The following GRM8 variants were observed in gnomAD, a reference collection of about 807,000 sequenced individuals.
GRM8 encodes glutamate metabotropic receptor 8, also known as metabotropic glutamate receptor 8.
Under a neutral mutation model 87.2 loss-of-function variants are expected in GRM8, and 47 were observed. That is an observed-to-expected ratio of 0.54 (90% CI 0.43 to 0.69). GRM8 has a LOEUF of 0.69. GRM8 is among the 30% of genes least tolerant of loss of function. The probability of loss-of-function intolerance (pLI) is 0.00; values close to 1 mark genes in which losing one functional copy is unlikely to be tolerated. For missense variants in GRM8, 1,019 were observed against 1,139.2 expected, an observed-to-expected ratio of 0.89 and a Z score of 1.52; for synonymous variants, 396 against 404.5, an observed-to-expected ratio of 0.98 and a Z score of 0.25.
chr7:126,915,474 C>T (rs1360743031), intron 3 of GRM8, among the ~76,000 whole-genome samples: 8 of 152,192 alleles, frequency 5.3e-5, no homozygotes, highest in Admixed American at 2.6e-4. Flanking sequence ...TCCAAGTATA[C>T]ACAGAATCAC....
intron 9 of GRM8, among the ~76,000 whole-genome samples, chr7:126,451,197 T>C (rs1263295337): frequency 6.6e-6 from 1 of 151,814 alleles, no homozygotes; most frequent in Non-Finnish European, 1.5e-5. Flanking sequence ...CCTGACAGCA[T>C]CTGAAACTTA....
intron 3 of GRM8, among the ~76,000 whole-genome samples, chr7:127,097,375 G>A (rs775940803): frequency 2.0e-5 from 3 of 152,162 alleles, no homozygotes; most frequent in Non-Finnish European, 4.4e-5. Context: ...CCAGAAGTGG[G>A]TGGATGGCAT....
intron 3 of GRM8, among the ~76,000 whole-genome samples, chr7:127,078,927 A>G (rs1822565641): frequency 6.6e-6 from 1 of 152,234 alleles, no homozygotes; most frequent in Admixed American, 6.5e-5. Context: ...AGAAAGAAAA[A>G]TTGACATTCA....
At chr7:126,650,332 A>G (rs1310263299) in intron 7 of GRM8, among the ~76,000 whole-genome samples, 1 of 152,104 alleles carries the variant, frequency 6.6e-6, no homozygotes, top group Non-Finnish European at 1.5e-5. Context: ...AGTTCCCTAT[A>G]ATCAGTTGAC....
intron 2 of GRM8, among the ~76,000 whole-genome samples, chr7:127,209,488 G>A (rs931581430): frequency 7.9e-5 from 12 of 152,142 alleles, no homozygotes; most frequent in Admixed American, 2.0e-4. Flanking sequence ...ACTTGCCACC[G>A]CCCTCACTGC....
intron 2 of GRM8, among the ~76,000 whole-genome samples, chr7:127,167,679 G>C (rs1793537345): frequency 6.6e-6 from 1 of 152,004 alleles, no homozygotes; most frequent in Non-Finnish European, 1.5e-5. Context: ...CATATAAAAT[G>C]GCAAATTTAA....
chr7:126,452,310 G>A lies in GRM8; in HGVS notation c.2431-5938C>T, dbSNP rs535737215. Among the ~76,000 whole-genome samples the A allele has an allele frequency of 4.0e-5, 6 of 150,368 alleles. No homozygotes were observed. In the East Asian group the frequency reaches 1.2e-3, roughly 30 times the overall value. ...GGGGTGGGGGGAGGGGGGAGGGATA[G>A]CATTAGGAGATATACCTAATGTAAA... On this transcript the variant is annotated intron_variant, in intron 9 of 10. Transcript: ENST00000339582.
At chr7:127,107,891 C>T (rs1337168151) in intron 2 of GRM8, among the ~76,000 whole-genome samples, 2 of 152,128 alleles carry the variant, frequency 1.3e-5, no homozygotes, top group East Asian at 1.9e-4. Flanking sequence ...AAAGTCATCC[C>T]GGGAGCAGCA....
chr7:127,207,916 C>T (rs1333397393), intron 2 of GRM8, among the ~76,000 whole-genome samples: 2 of 152,174 alleles, frequency 1.3e-5, no homozygotes, highest in East Asian at 3.8e-4. Context: ...TCTGTTCCAA[C>T]TGCCACAAGT....
At chr7:126,621,391 T>C (rs1268543443) in intron 7 of GRM8, among the ~76,000 whole-genome samples, 2 of 152,262 alleles carry the variant, frequency 1.3e-5, no homozygotes, top group Non-Finnish European at 1.5e-5. Context: ...CTTACTTATT[T>C]CCAATTACCT....
chr7:126,724,587 A>G (rs2151464433), intron 7 of GRM8, among the ~76,000 whole-genome samples: 1 of 152,300 alleles, frequency 6.6e-6, no homozygotes. Flanking sequence ...CAACTGGTTA[A>G]CCTAACAAAT....
intron 10 of GRM8, among the ~76,000 whole-genome samples, chr7:126,444,396 C>T (rs1228853006): frequency 6.6e-6 from 1 of 152,098 alleles, no homozygotes; most frequent in Non-Finnish European, 1.5e-5. Context: ...CCCATCCTTA[C>T]CTTGCTTCGC....
intron 2 of GRM8, chr7:127,228,309 G>A (rs1797470768): frequency 6.6e-6 from 1 of 152,166 alleles, no homozygotes; most frequent in African/African-American, 2.4e-5. Flanking sequence ...TACATGTTTA[G>A]CATAGTGCCT....
chr7:126,717,472 T>G (rs1177461858), intron 7 of GRM8, among the ~76,000 whole-genome samples: 2 of 152,048 alleles, frequency 1.3e-5, no homozygotes, highest in Non-Finnish European at 2.9e-5. Context: ...CTCAAACATG[T>G]TTGGGACATA....
intron 9 of GRM8, among the ~76,000 whole-genome samples, chr7:126,492,583 C>T (rs1808149141): frequency 6.6e-6 from 1 of 152,020 alleles, no homozygotes; most frequent in Non-Finnish European, 1.5e-5. Flanking sequence ...TAATTCACCT[C>T]AAGCCAGTTC....
At position 127,030,608 on chromosome 7, in the gene GRM8, T is replaced by C. The variant is rs1817271931; in HGVS notation, c.727+75888A>G. Among the ~76,000 whole-genome samples the C allele has an allele frequency of 2.0e-5, 3 of 152,194 alleles. No homozygotes were observed. The South Asian group carries it at 6.2e-4, about 32-fold the overall frequency. On this transcript the variant is annotated intron_variant, in intron 3 of 10. Coordinates refer to ENST00000339582, the MANE Select transcript of GRM8 (RefSeq NM_000845.3). Reference sequence around the variant, plus strand: ...ACCTAGAACAGTGTCTGACACATAATAGTACTCATTAAAGATCTGTTAAAT... The same window carrying C: ...ACCTAGAACAGTGTCTGACACATAACAGTACTCATTAAAGATCTGTTAAAT...
At chr7:126,894,139 T>G (rs1225425618) in intron 6 of GRM8, among the ~76,000 whole-genome samples, 1 of 152,108 alleles carries the variant, frequency 6.6e-6, no homozygotes, top group Non-Finnish European at 1.5e-5. Context: ...TATACATTGT[T>G]CCTTTTTAAA....
intron 7 of GRM8, among the ~76,000 whole-genome samples, chr7:126,659,919 A>G (rs1316573054): frequency 6.6e-6 from 1 of 152,152 alleles, no homozygotes; most frequent in East Asian, 1.9e-4. Context: ...CTAGAGTATT[A>G]AGCTTTTTAA....
chr7:127,158,766 G>C (rs1792899302), intron 2 of GRM8, among the ~76,000 whole-genome samples: 1 of 151,890 alleles, frequency 6.6e-6, no homozygotes, highest in Non-Finnish European at 1.5e-5. Context: ...TGAATTCGTA[G>C]GGGGACACAA....
Sources: allele counts gnomAD v4.1 joint callset (sites outside exome capture counted in the v4.1 genomes callset), GRCh38; gene constraint gnomAD v4.1.1; transcripts MANE v1.5; gene names NCBI Gene and HGNC (gene_info 2026-07-23, HGNC 2026-07-21).